CADPS2: variants seen among roughly 807,000 people sequenced by gnomAD.
The protein encoded by CADPS2 is calcium dependent secretion activator 2, also known as calcium-dependent secretion activator 2.
CADPS2 carries 93 observed loss-of-function variants against 172.5 expected under a neutral mutation model. The ratio of observed to expected loss-of-function variants is 0.54; its 90% confidence interval spans 0.46 to 0.64. The LOEUF (loss-of-function observed/expected upper bound fraction) is 0.64, where lower values mean the gene tolerates loss of function less well. Ranked by LOEUF, CADPS2 falls within the 30% of genes least tolerant of loss-of-function variation. CADPS2 has a pLI of 0.00. For missense variants in CADPS2, 1,420 were observed against 1,565.9 expected, an observed-to-expected ratio of 0.91 and a Z score of 1.57; for synonymous variants, 546 against 555.2, an observed-to-expected ratio of 0.98 and a Z score of 0.23.
At chr7:122,325,454 A>G (rs1484289486) in intron 29 of CADPS2, 23 bp downstream of exon 29, 22 of 1,474,204 alleles carry the variant, frequency 1.5e-5, no homozygotes, top group Non-Finnish European at 2.0e-5. Context: ...TGGGCAATTC[A>G]TATCTAAACA....
chr7:122,465,782 A>T (rs1201853051), intron 14 of CADPS2, among the ~76,000 whole-genome samples: 1 of 152,200 alleles, frequency 6.6e-6, no homozygotes, highest in Non-Finnish European at 1.5e-5. Flanking sequence ...TATACAGAGC[A>T]AGTGGGAAAG....
chr7:122,825,380 T>C (rs1352292292), intron 1 of CADPS2, among the ~76,000 whole-genome samples: 1 of 152,184 alleles, frequency 6.6e-6, no homozygotes, highest in Non-Finnish European at 1.5e-5. Context: ...TACAGAGTGA[T>C]CTCAAGGAAA....
At chr7:122,736,673 G>C (rs2092175432) in intron 2 of CADPS2, among the ~76,000 whole-genome samples, 1 of 152,148 alleles carries the variant, frequency 6.6e-6, no homozygotes, top group Admixed American at 6.5e-5. Context: ...CCTAAAGATA[G>C]CTATAGTCAG....
chr7:122,325,794 A>G (rs1345567296), intron 28 of CADPS2, among the ~76,000 whole-genome samples: 2 of 152,080 alleles, frequency 1.3e-5, no homozygotes, highest in African/African-American at 4.8e-5. Context: ...TGTTCTTTAA[A>G]TGAATTAACG....
chr7:122,698,552 C>G (rs753748497), intron 2 of CADPS2: 1 of 1,614,074 alleles, frequency 6.2e-7, no homozygotes, highest in Non-Finnish European at 8.5e-7. Context: ...CCACTGGCTC[C>G]CTTCTCAGTT....
At chr7:122,333,857 C>T (rs1227632603) in intron 28 of CADPS2, among the ~76,000 whole-genome samples, 1 of 151,176 alleles carries the variant, frequency 6.6e-6, no homozygotes, top group East Asian at 1.9e-4. Context: ...CATGAAAAGA[C>T]TGCATGCATT....
intron 5 of CADPS2, among the ~76,000 whole-genome samples, chr7:122,620,027 T>C (rs1201572270): frequency 6.6e-6 from 1 of 152,216 alleles, no homozygotes; most frequent in African/African-American, 2.4e-5. Flanking sequence ...AGTTTGAATT[T>C]ATCTCAGAGT....
intron 1 of CADPS2, among the ~76,000 whole-genome samples, chr7:122,872,907 A>G (rs1585071939): frequency 1.3e-5 from 2 of 152,096 alleles, no homozygotes; most frequent in African/African-American, 4.8e-5. Flanking sequence ...CAAGAACAAA[A>G]CTGGAGACAC....
At chr7:122,669,790 C>T (rs1452353038) in intron 2 of CADPS2, among the ~76,000 whole-genome samples, 1 of 151,990 alleles carries the variant, frequency 6.6e-6, no homozygotes, top group Non-Finnish European at 1.5e-5. Context: ...ATTTAGATCT[C>T]CAATATTACC....
At chr7:122,581,469 A>G (rs536578804) in intron 6 of CADPS2, among the ~76,000 whole-genome samples, 179 bp from the exon 7 acceptor site, 5 of 152,332 alleles carry the variant, frequency 3.3e-5, no homozygotes, top group Non-Finnish European at 7.4e-5. Context: ...TAAGCTTTAC[A>G]GCTTGTAATA....
At chr7:122,838,085 T>C (rs1809142372) in intron 1 of CADPS2, among the ~76,000 whole-genome samples, 1 of 152,172 alleles carries the variant, frequency 6.6e-6, no homozygotes, top group Non-Finnish European at 1.5e-5. Flanking sequence ...TCCACCATGA[T>C]CAAGTGGGCT....
Position 122,824,860 on chromosome 7 carries a change from C to T in CADPS2, c.339+61139G>A, listed in dbSNP as rs532106438. ...TTGTTCTAGTATATCATGTGAGGAA[C>T]ACATCTAGTTTTATCTTTCTCCATA... On this transcript the variant is annotated intron_variant, in intron 1 of 29. Coordinates refer to ENST00000449022, the MANE Select transcript of CADPS2 (RefSeq NM_017954.11). 2.6e-5 allele frequency among the ~76,000 whole-genome samples: 4 copies of T among 152,232 alleles called. No homozygotes were observed. The South Asian group carries it at 8.3e-4, about 32-fold the overall frequency.
At chr7:122,537,543 TAATAA>T (rs1047754512) in intron 8 of CADPS2, among the ~76,000 whole-genome samples, 12 of 151,618 alleles carry the variant, frequency 7.9e-5, no homozygotes, top group Admixed American at 2.0e-4. Context: ...TTTCCTTGAG[TAATAA>T]AATAAAACAA....
intron 2 of CADPS2, among the ~76,000 whole-genome samples, chr7:122,669,530 T>C (rs1460139531): frequency 1.3e-5 from 2 of 151,732 alleles, no homozygotes; most frequent in Non-Finnish European, 2.9e-5. Flanking sequence ...AAGTGATGTA[T>C]TGAAAGGCAT....
intron 20 of CADPS2, among the ~76,000 whole-genome samples, chr7:122,406,400 AAAAAGTT>A (rs1469137950): frequency 1.3e-5 from 2 of 152,200 alleles, no homozygotes; most frequent in Non-Finnish European, 2.9e-5. Context: ...AGTATAATAA[AAAAAGTT>A]CCAAATGTAT....
chr7:122,334,631 T>C lies in CADPS2; in HGVS notation c.3613-9050A>G, dbSNP rs184204877. Among the ~76,000 whole-genome samples the C allele has an allele frequency of 2.1e-3, 319 of 152,300 alleles. 5 individuals are homozygous for C. Among genetic ancestry groups the C allele is most frequent in the Admixed American group, 0.014 (218 of 15,288 alleles). ...CGTCATTTGATGCAGGTGCTAGAAC[T>C]GGATACAAACTTTGTGTTGGCTCTA... On this transcript the variant is annotated intron_variant, in intron 28 of 29. Transcript: ENST00000449022.
At position 122,681,746 on chromosome 7, in the gene CADPS2, AAAAG is replaced by A. The variant is rs972864216; in HGVS notation, c.454-18181_454-18178del. On this transcript the variant is annotated intron_variant, in intron 2 of 29. Transcript: ENST00000449022. ...ATTGTAAAAAAATAATAATAATAAT[AAAAG>A]AAAGAAAAAAAACAACATCTAAAAA... 1.8e-5 allele frequency: 10 copies of A among 555,588 alleles called. No homozygotes were observed. In the South Asian group the frequency reaches 1.8e-4, roughly 10 times the overall value. The allele number at this position is 555,588 out of a possible 1,614,324, so 34.4% of individuals were successfully genotyped here.
At chr7:122,347,524 TACA>T (rs1010955315) in intron 27 of CADPS2, among the ~76,000 whole-genome samples, 4 of 152,170 alleles carry the variant, frequency 2.6e-5, no homozygotes, top group Admixed American at 6.6e-5. Flanking sequence ...ATGACCCTGA[TACA>T]ACAACATTAG....
intron 11 of CADPS2, among the ~76,000 whole-genome samples, chr7:122,483,718 G>A (rs1361335981): frequency 2.0e-5 from 3 of 152,066 alleles, no homozygotes; most frequent in African/African-American, 7.2e-5. Flanking sequence ...AAAGCCAAGA[G>A]AGGAGAAATA....
Sources: gnomAD v4.1 joint callset for allele counts (sites outside exome capture counted in the v4.1 genomes callset) on GRCh38, gnomAD v4.1.1 for gene constraint, MANE v1.5 for transcripts, NCBI Gene and HGNC (gene_info 2026-07-23, HGNC 2026-07-21) for gene names.